ADNP2: variants seen among roughly 807,000 people sequenced by gnomAD.
The protein encoded by ADNP2 is activity-dependent neuroprotector homeobox protein 2.
Under a neutral mutation model 16.4 loss-of-function variants are expected in ADNP2, and 8 were observed. The ratio of observed to expected loss-of-function variants is 0.49; its 90% CI spans 0.29 to 0.88. The LOEUF is 0.88. Among genes scored for constraint, ADNP2 ranks in the 40% least tolerant of loss-of-function variants. ADNP2 has a pLI of 0.09. For missense variants in ADNP2, 1,397 were observed against 1,395.1 expected, an observed-to-expected ratio of 1.00 and a Z score of -0.02; for synonymous variants, 637 against 545.8, an observed-to-expected ratio of 1.17 and a Z score of -2.33.
rs1462438269 is a variant in ADNP2 at position 80,135,852 on chromosome 18, T to C, written c.439T>C (p.Ser147Pro). The C allele has an allele frequency of 6.2e-7, 1 of 1,614,232 alleles. No individual in the cohort carries two copies. The highest frequency in any genetic ancestry group is 1.7e-5 in the Admixed American group (1 of 60,030). ...AGTGAATATTTTAGGTGAAACTAAA[T>C]CATCTAGGAGCGATGTGATAAGTTT... ...YTVNILGETK[S>P]SRSDVISFTC... The change falls in exon 4 of 4, where the codon TCA (serine) becomes CCA (proline). Residue 147 changes from serine (S) to proline (P), a missense_variant. Around this residue, in one of 3 missense-constraint regions of ADNP2, gnomAD observed 777 missense variants for 719.4 expected, o/e 1.08. Coordinates refer to ENST00000262198, the MANE Select transcript of ADNP2 (RefSeq NM_014913.4).
chr18:80,123,993 G>T (rs534020155), intron 2 of ADNP2, among the ~76,000 whole-genome samples: 13 of 152,318 alleles, frequency 8.5e-5, no homozygotes, highest in Admixed American at 5.9e-4. Context: ...GTGTCCCAAA[G>T]AGCTGGGATT....
chr18:80,136,156 G>T lies in ADNP2; in HGVS notation c.743G>T (p.Arg248Ile). The change falls in exon 4 of 4, where the codon AGA becomes ATA. Residue 248 changes from arginine (R) to isoleucine (I), a missense_variant. Physicochemically the swap from Arg to Ile is moderately conservative, Grantham distance 97. Coordinates refer to ENST00000262198, the MANE Select transcript of ADNP2 (RefSeq NM_014913.4). ...DIHRDLENKL[R>I]SVISEHIKRT... ...CACAGAGATTTGGAGAATAAGCTTA[G>T]ATCTGTGATTTCAGAACATATTAAG... is the stretch of plus-strand genomic sequence containing the variant. 6.2e-7 allele frequency: 1 copy of T among 1,614,246 alleles called. No individual in the cohort carries two copies. Among genetic ancestry groups the T allele is most frequent in the Non-Finnish European group, 8.5e-7 (1 of 1,180,036 alleles).
intron 2 of ADNP2, among the ~76,000 whole-genome samples, 195 bp downstream of exon 2, chr18:80,117,845 T>A (rs904566320): frequency 1.3e-5 from 2 of 152,222 alleles, no homozygotes; most frequent in Non-Finnish European, 2.9e-5. Context: ...TAAGCTACTT[T>A]AAGGAGGGGA....
chr18:80,134,494 G>A (rs2052519542), intron 3 of ADNP2, among the ~76,000 whole-genome samples: 1 of 152,088 alleles, frequency 6.6e-6, no homozygotes, highest in South Asian at 2.1e-4. Flanking sequence ...TAGTACCACA[G>A]CCAGCTCTGG....
intron 2 of ADNP2, among the ~76,000 whole-genome samples, chr18:80,132,781 T>G (rs968126326): frequency 6.6e-6 from 1 of 150,950 alleles, no homozygotes; most frequent in African/African-American, 2.4e-5. Context: ...TCTCCCAGGC[T>G]TGAGTGCAGC....
chr18:80,117,375 A>T (rs2052395989), intron 1 of ADNP2, among the ~76,000 whole-genome samples, 155 bp from the exon 2 acceptor site: 3 of 152,214 alleles, frequency 2.0e-5, no homozygotes, highest in Non-Finnish European at 4.4e-5. Context: ...GGAAGAGGTC[A>T]ACCTCATTCA....
Position 80,138,233 on chromosome 18 carries a change from T to C in ADNP2, c.2820T>C (p.Ser940=). The C allele has an allele frequency of 1.9e-6, 3 of 1,614,148 alleles. No homozygotes were observed. The highest frequency in any genetic ancestry group is 2.5e-6 in the Non-Finnish European group (3 of 1,180,032). The part of the protein sequence containing the change: ...AIAVHLVRCR[S]APKDSSSDLQ... ...CCGTCCATTTGGTGCGCTGCAGAAG[T>C]GCTCCCAAGGACAGCAGCTCAGACC... is the stretch of plus-strand genomic sequence containing the variant. Residue 940 remains serine (S), a synonymous_variant, in exon 4 of 4, where the codon AGT becomes AGC. Coordinates refer to ENST00000262198, the MANE Select transcript of ADNP2 (RefSeq NM_014913.4).
rs766821105 is a variant in ADNP2, at chr18:80,137,850, G to A, written c.2437G>A (p.Asp813Asn). 1.9e-6 allele frequency: 3 copies of A among 1,613,978 alleles called. No homozygotes were observed. The highest frequency in any genetic ancestry group is 1.3e-5 in the African/African-American group (1 of 74,992). Residue 813 changes from aspartate (D) to asparagine (N), a missense_variant, in exon 4 of 4, where the codon GAT (aspartate) becomes AAT (asparagine). Transcript: ENST00000262198. The surrounding 1 kb of genome is among the most constrained non-coding windows in gnomAD (Gnocchi z 4.2). ...CAACAGAGGTTTTCAATTAGATGTC[G>A]ATGCCAATGGCAACCTGCTCTTTCC... is the stretch of plus-strand genomic sequence containing the variant. ...YSNRGFQLDVDANGNLLFPHL... is the reference protein window; with the variant it reads ...YSNRGFQLDVNANGNLLFPHL...
chr18:80,113,793 G>T (rs902564567), intron 1 of ADNP2, among the ~76,000 whole-genome samples: 10 of 152,070 alleles, frequency 6.6e-5, no homozygotes, highest in Non-Finnish European at 1.5e-4. Flanking sequence ...GTGGTATGTG[G>T]TTATGGTACT....
In ADNP2 at chr18:80,137,145, G is replaced by C. The variant is rs749656931; in HGVS notation, c.1732G>C (p.Val578Leu). Residue 578 changes from valine to leucine, a missense_variant, in exon 4 of 4, where the codon GTG (valine) becomes CTG (leucine). Around this residue, in one of 3 missense-constraint regions of ADNP2, gnomAD observed 777 missense variants for 719.4 expected, o/e 1.08. Transcript: ENST00000262198. This position sits in a 1 kb window ranked among gnomAD's most constrained non-coding sequence, Gnocchi z 4.2. Reference sequence around the variant, plus strand: ...GACTGTGGGCACCAACATTCTGCCTGTGAATCAGCCAGTGAGACCTGGTGC... The same window carrying C: ...GACTGTGGGCACCAACATTCTGCCTCTGAATCAGCCAGTGAGACCTGGTGC... ...NQTVGTNILP[V>L]NQPVRPGASQ... is the part of the protein sequence containing the mutation. 1 of 1,614,118 alleles carries C rather than the reference G, an allele frequency of 6.2e-7. No individual in the cohort carries two copies. Among genetic ancestry groups the C allele is most frequent in the African/African-American group, 1.3e-5 (1 of 74,934 alleles).
chr18:80,113,771 G>C (rs1274695419), intron 1 of ADNP2, among the ~76,000 whole-genome samples: 1 of 152,164 alleles, frequency 6.6e-6, no homozygotes, highest in South Asian at 2.1e-4. Context: ...ATGGTGAGTC[G>C]AGTGCAGTGG....
intron 2 of ADNP2, among the ~76,000 whole-genome samples, chr18:80,126,971 C>T (rs1186816747): frequency 2.0e-5 from 3 of 152,236 alleles, no homozygotes; most frequent in East Asian, 1.9e-4. Context: ...TCACGTGAGG[C>T]GCCACACAGG....
intron 3 of ADNP2, among the ~76,000 whole-genome samples, chr18:80,133,409 G>A (rs547716392): frequency 1.3e-5 from 2 of 152,318 alleles, no homozygotes; most frequent in East Asian, 1.9e-4. Flanking sequence ...ATACAGTGAT[G>A]CAGTGAAACT....
intron 2 of ADNP2, among the ~76,000 whole-genome samples, chr18:80,123,027 G>A (rs2145199305): frequency 6.6e-6 from 1 of 151,942 alleles, no homozygotes; most frequent in South Asian, 2.1e-4. Flanking sequence ...ATGAAAACCT[G>A]TTGGATTTTA....
chr18:80,124,714 T>G (rs2052447067), intron 2 of ADNP2, among the ~76,000 whole-genome samples: 1 of 152,128 alleles, frequency 6.6e-6, no homozygotes, highest in South Asian at 2.1e-4. Context: ...CCCTCTAAAC[T>G]TGCCTTGGTG....
chr18:80,133,123 A>G lies in ADNP2; in HGVS notation c.129A>G (p.Pro43=). Residue 43 remains proline (P), a synonymous_variant, in exon 3 of 4, where the codon CCA becomes CCG. Transcript: ENST00000262198. ...ELLKDLKGFD[P]GEKYFHNTSW... ...AAAAGGACCTTAAAGGCTTTGATCC[A>G]GGAGAGAAATACTTTCATAACACAT... 3.1e-6 allele frequency: 5 copies of G among 1,609,386 alleles called. No homozygotes were observed. Among genetic ancestry groups the G allele is most frequent in the Non-Finnish European group, 4.2e-6 (5 of 1,178,476 alleles).
At chr18:80,130,268 A>T (rs1394154468) in intron 2 of ADNP2, among the ~76,000 whole-genome samples, 1 of 152,158 alleles carries the variant, frequency 6.6e-6, no homozygotes, top group Non-Finnish European at 1.5e-5. Context: ...ATTTGTACTT[A>T]TACTTTTCTG....
chr18:80,125,637 C>T (rs370189076), intron 2 of ADNP2, among the ~76,000 whole-genome samples: 22 of 150,160 alleles, frequency 1.5e-4, no homozygotes, highest in South Asian at 6.3e-4. Flanking sequence ...AGTGAGACTC[C>T]GTCTCAAAAA....
intron 1 of ADNP2, among the ~76,000 whole-genome samples, chr18:80,112,024 T>G (rs1358025876): frequency 3.3e-5 from 5 of 152,168 alleles, no homozygotes; most frequent in Non-Finnish European, 7.3e-5. Context: ...GAATTGAGAT[T>G]TATTTTGAAT....
Sources: allele counts gnomAD v4.1 joint callset (sites outside exome capture counted in the v4.1 genomes callset), GRCh38; gene constraint gnomAD v4.1.1; regional missense constraint gnomAD v4.1.1; non-coding constraint Gnocchi (gnomAD v3.1); transcripts MANE v1.5; gene names NCBI Gene and HGNC (gene_info 2026-07-23, HGNC 2026-07-21).